The following PLET1 variants were observed in gnomAD, a reference collection of about 807,000 sequenced individuals.
PLET1 encodes placenta expressed transcript 1.
PLET1 carries 20 observed loss-of-function variants against 18.5 expected under a neutral mutation model. That is an observed-to-expected ratio of 1.08 (90% CI 0.76 to 1.57). The LOEUF is 1.57. PLET1 is among the 40% of genes most tolerant of loss of function. PLET1 has a pLI of 0.00. For synonymous variants in PLET1, 93 were observed against 93.8 expected, an observed-to-expected ratio of 0.99 and a Z score of 0.05; for missense variants, 256 against 246.4, an observed-to-expected ratio of 1.04 and a Z score of -0.26.
intron 1 of PLET1, among the ~76,000 whole-genome samples, chr11:112,256,543 A>G (rs1475021664): frequency 6.6e-6 from 1 of 152,148 alleles, no homozygotes; most frequent in Non-Finnish European, 1.5e-5. Flanking sequence ...GCCTGGTTCT[A>G]GGTCTGGGGA....
chr11:112,256,861 C>A (rs1361302947), intron 1 of PLET1, among the ~76,000 whole-genome samples: 1 of 150,284 alleles, frequency 6.7e-6, no homozygotes, highest in African/African-American at 2.4e-5. Context: ...TCAGTGTCAG[C>A]TCTGCACGGG....
In PLET1 at chr11:112,248,877, G is replaced by GGCCGGGGCTGCTGAAGACTTGGTTT. The variant is rs1490642269; in HGVS notation, c.545_546insAAACCAAGTCTTCAGCAGCCCCGGC (p.Ile190GlyfsTer49). The GGCCGGGGCTGCTGAAGACTTGGTTT allele has an allele frequency of 5.8e-6, 9 of 1,551,586 alleles. No homozygotes were observed. Among genetic ancestry groups the GGCCGGGGCTGCTGAAGACTTGGTTT allele is most frequent in the Non-Finnish European group, 7.8e-6 (9 of 1,146,956 alleles). On this transcript the variant is annotated frameshift_variant, in exon 4 of 4. Coordinates refer to ENST00000338832, the MANE Select transcript of PLET1 (RefSeq NM_001145024.1). LOFTEE classifies it low-confidence loss of function (END_TRUNC). The stretch of plus-strand genomic sequence containing the variant: ...TGATGGGGCTGCTGAAGACTTGGTT[G>GGCCGGGGCTGCTGAAGACTTGGTTT]GCCAAGCCTTCGAGTCTGATACTCT...
Position 112,260,417 on chromosome 11 carries a change from G to C in PLET1, c.173C>G (p.Ala58Gly). 6.4e-7 allele frequency: 1 copy of C among 1,551,438 alleles called. No individual in the cohort carries two copies. Among genetic ancestry groups the C allele is most frequent in the South Asian group, 1.2e-5 (1 of 84,014 alleles). The change falls in exon 1 of 4, where the codon GCA (alanine) becomes GGA (glycine). Residue 58 changes from alanine (A) to glycine (G), a missense_variant. Physicochemically the swap from Ala to Gly is moderately conservative, Grantham distance 60. Transcript: ENST00000338832. ...KASSHIYESN[A>G]VYSVFVPVND... The stretch of plus-strand genomic sequence containing the variant: ...TGGCTTCTACTCACCAGAATAGACT[G>C]CATTGCTTTCGTAGATATGTGAACT...
rs1216967437 is a variant in PLET1, at chr11:112,255,439, T to G, written c.335A>C (p.Glu112Ala). 1 of 1,552,356 alleles carries G rather than the reference T, an allele frequency of 6.4e-7. No homozygotes were observed. The highest frequency in any genetic ancestry group is 2.4e-5 in the East Asian group (1 of 40,932). The stretch of plus-strand genomic sequence containing the variant: ...AGGTTCAGGAGCTTGCCACTGTGCC[T>G]CTAAGACCGTCATGTATTGATCTTT... The part of the protein sequence containing the change: ...YVKDQYMTVL[E>A]AQWQAPEPEN... The change falls in exon 2 of 4, where the codon GAG becomes GCG. Residue 112 changes from glutamate to alanine, a missense_variant. Coordinates refer to ENST00000338832, the MANE Select transcript of PLET1 (RefSeq NM_001145024.1).
At chr11:112,251,614 G>A (rs1165981349) in intron 3 of PLET1, among the ~76,000 whole-genome samples, 1 of 152,182 alleles carries the variant, frequency 6.6e-6, no homozygotes, top group African/African-American at 2.4e-5. Context: ...GTCTCACTGT[G>A]TTGCCCAGGT....
chr11:112,252,869 A>G (rs997765887), intron 2 of PLET1, among the ~76,000 whole-genome samples: 3 of 152,158 alleles, frequency 2.0e-5, no homozygotes, highest in Non-Finnish European at 4.4e-5. Context: ...TCTGTTGTCA[A>G]CAGTGCCTGA....
intron 3 of PLET1, among the ~76,000 whole-genome samples, chr11:112,249,820 G>A (rs1301980054): frequency 6.6e-6 from 1 of 152,004 alleles, no homozygotes; most frequent in Non-Finnish European, 1.5e-5. Context: ...AGCCCGGTGT[G>A]GTGGCAGGGG....
At chr11:112,258,199 A>G (rs910099822) in intron 1 of PLET1, among the ~76,000 whole-genome samples, 1 of 151,266 alleles carries the variant, frequency 6.6e-6, no homozygotes, top group Non-Finnish European at 1.5e-5. Context: ...ATGTTGACTC[A>G]TCTTTCTCCT....
intron 2 of PLET1, among the ~76,000 whole-genome samples, chr11:112,253,417 T>C (rs1443675066): frequency 6.6e-6 from 1 of 152,092 alleles, no homozygotes; most frequent in Non-Finnish European, 1.5e-5. Context: ...TCAGCCTCGC[T>C]GATCAAGGCC....
In PLET1 at chr11:112,255,588, T is replaced by C; in HGVS notation, c.186A>G (p.Val62=). Residue 62 remains valine (V), a splice_region_variant and synonymous_variant, in exon 2 of 4, where the codon GTA becomes GTG. Coordinates refer to ENST00000338832, the MANE Select transcript of PLET1 (RefSeq NM_001145024.1). ...HIYESNAVYS[V]FVPVNDSVYA... is the part of the protein sequence containing the mutation. Reference sequence around the variant, plus strand: ...AGACGCTGTCATTCACGGGAACAAATACTGGGAGGAAATGATGAAGAAGCA... The same window carrying C: ...AGACGCTGTCATTCACGGGAACAAACACTGGGAGGAAATGATGAAGAAGCA... The C allele has an allele frequency of 1.9e-6, 3 of 1,550,642 alleles. No individual in the cohort carries two copies. Among genetic ancestry groups the C allele is most frequent in the Non-Finnish European group, 2.6e-6 (3 of 1,146,566 alleles).
chr11:112,257,282 C>G (rs1444578071), intron 1 of PLET1, among the ~76,000 whole-genome samples: 1 of 152,130 alleles, frequency 6.6e-6, no homozygotes, highest in African/African-American at 2.4e-5. Flanking sequence ...CCTTCCTTCC[C>G]TCTCATCATA....
At position 112,260,442 on chromosome 11, in the gene PLET1, T is replaced by C. The variant is rs576515915; in HGVS notation, c.148A>G (p.Ser50Gly). The C allele has an allele frequency of 1.4e-5, 22 of 1,551,856 alleles. No individual in the cohort carries two copies. In the South Asian group the frequency reaches 1.8e-4, roughly 13 times the overall value. ...GCATTGCTTTCGTAGATATGTGAAC[T>C]GGCCTTGATGTCTAGGGTTATGGTG... ...YYTITLDIKA[S>G]SHIYESNAVY... The change falls in exon 1 of 4, where the codon AGT (serine) becomes GGT (glycine). Residue 50 changes from serine to glycine, a missense_variant. By Grantham distance (56) the Ser-to-Gly change is moderately conservative. Transcript: ENST00000338832.
intron 3 of PLET1, among the ~76,000 whole-genome samples, chr11:112,250,220 CTTTTTTTTTTTT>C (rs33963716): frequency 6.0e-5 from 3 of 49,860 alleles, no homozygotes. Flanking sequence ...AGAAACAAAC[CTTTTTTTTTTTT>C]TTTTTTTTTT....
At chr11:112,249,411 A>G (rs1179952386) in intron 3 of PLET1, among the ~76,000 whole-genome samples, 2 of 152,180 alleles carry the variant, frequency 1.3e-5, no homozygotes, top group South Asian at 2.1e-4. Flanking sequence ...ACCAGATCCA[A>G]TCCAGACCTG....
chr11:112,254,903 GGT>G (rs71902367), intron 2 of PLET1, among the ~76,000 whole-genome samples: 94,032 of 137,012 alleles, frequency 0.69, 32,623 homozygotes, highest in South Asian at 0.78. Flanking sequence ...TGGTGTATGT[GGT>G]GTGTGTGGGG....
intron 1 of PLET1, among the ~76,000 whole-genome samples, chr11:112,258,353 G>A (rs531880736): frequency 1.3e-5 from 2 of 148,566 alleles, no homozygotes; most frequent in Admixed American, 6.8e-5. Flanking sequence ...ACGTGGTCTC[G>A]GCTCACTGCA....
intron 1 of PLET1, among the ~76,000 whole-genome samples, chr11:112,257,284 C>T (rs780058622): frequency 5.3e-5 from 8 of 152,156 alleles, no homozygotes; most frequent in Non-Finnish European, 8.8e-5. Flanking sequence ...TTCCTTCCCT[C>T]TCATCATACA....
At position 112,260,428 on chromosome 11, in the gene PLET1, G is replaced by T; in HGVS notation, c.162C>A (p.Tyr54Ter). The T allele has an allele frequency of 6.4e-7, 1 of 1,551,670 alleles. No individual in the cohort carries two copies. The highest frequency in any genetic ancestry group is 1.4e-5 in the African/African-American group (1 of 73,162). Residue 54 changes from tyrosine (Y) to a stop codon, truncating the protein, a stop_gained, in exon 1 of 4, where the codon TAC (tyrosine) becomes TAA (stop). Coordinates refer to ENST00000338832, the MANE Select transcript of PLET1 (RefSeq NM_001145024.1). LOFTEE classifies it high-confidence loss of function. ...TLDIKASSHI[Y>*]ESNAVYSVFV... ...CACCAGAATAGACTGCATTGCTTTC[G>T]TAGATATGTGAACTGGCCTTGATGT...
intron 1 of PLET1, 37 bp downstream of exon 1, chr11:112,260,369 G>A (rs1414049078): frequency 2.0e-6 from 3 of 1,512,278 alleles, no homozygotes; most frequent in East Asian, 4.9e-5. Flanking sequence ...TTTCCCTCAG[G>A]GAACAAAGGA....
Sources: allele counts gnomAD v4.1 joint callset (sites outside exome capture counted in the v4.1 genomes callset), GRCh38; gene constraint gnomAD v4.1.1; transcripts MANE v1.5; gene names NCBI Gene and HGNC (gene_info 2026-07-23, HGNC 2026-07-21).